The following MYRIP variants were observed in gnomAD, a reference collection of about 807,000 sequenced individuals.
MYRIP encodes rab effector MyRIP.
MYRIP carries 49 observed loss-of-function variants against 98.0 expected under a neutral mutation model. That is an observed-to-expected ratio of 0.50 (90% CI 0.40 to 0.63). The LOEUF (loss-of-function observed/expected upper bound fraction) is 0.63. MYRIP is among the 30% of genes least tolerant of loss of function. The probability of loss-of-function intolerance (pLI) is 0.00; values close to 1 mark genes in which losing one functional copy is unlikely to be tolerated. For synonymous variants in MYRIP, 404 were observed against 409.5 expected (o/e 0.99, Z 0.16); for missense variants, 1,004 against 1,058.2 (o/e 0.95, Z 0.71).
At chr3:39,868,531 A>G (rs1163065307) in intron 1 of MYRIP, among the ~76,000 whole-genome samples, 1 of 152,116 alleles carries the variant, frequency 6.6e-6, no homozygotes, top group Non-Finnish European at 1.5e-5. Context: ...CTTGACATTT[A>G]TTGAGCACCA....
At chr3:40,084,711 T>C (rs1020445717) in intron 3 of MYRIP, among the ~76,000 whole-genome samples, 2 of 148,342 alleles carry the variant, frequency 1.3e-5, no homozygotes, top group African/African-American at 2.5e-5. Context: ...ATAGATAATA[T>C]GTATCTATGT....
chr3:40,250,636 TGG>T, intron 15 of MYRIP, 137 bp downstream of exon 15: 1 of 1,047,450 alleles, frequency 9.5e-7, no homozygotes, highest in East Asian at 2.6e-5. Flanking sequence ...TATCTTGATT[TGG>T]GTCCCCCCAG....
At chr3:39,960,060 G>T (rs1310448600) in intron 2 of MYRIP, among the ~76,000 whole-genome samples, 1 of 152,056 alleles carries the variant, frequency 6.6e-6, no homozygotes, top group Non-Finnish European at 1.5e-5. Flanking sequence ...CTTAAGGAAG[G>T]CCTTTCTCCT....
intron 9 of MYRIP, among the ~76,000 whole-genome samples, chr3:40,184,964 G>A (rs1334199648): frequency 6.6e-6 from 1 of 152,188 alleles, no homozygotes; most frequent in East Asian, 1.9e-4. Context: ...GGAATTTTTA[G>A]CCCTTGACAT....
intron 1 of MYRIP, among the ~76,000 whole-genome samples, chr3:39,900,422 A>G (rs1243229088): frequency 6.6e-6 from 1 of 151,854 alleles, no homozygotes; most frequent in Non-Finnish European, 1.5e-5. Flanking sequence ...TTGCAGTTAC[A>G]TATAATACTT....
At chr3:39,867,079 A>G (rs1184108705) in intron 1 of MYRIP, among the ~76,000 whole-genome samples, 1 of 152,222 alleles carries the variant, frequency 6.6e-6, no homozygotes, top group Non-Finnish European at 1.5e-5. Context: ...CAGTGGGCAA[A>G]GGATAGTTTC....
chr3:39,900,724 C>A, intron 1 of MYRIP, 63 bp from the exon 2 acceptor site: 1 of 879,746 alleles, frequency 1.1e-6, no homozygotes, highest in Non-Finnish European at 1.8e-6. Context: ...ATTTTAATAA[C>A]AAAATAGGTT....
At chr3:40,047,057 G>A (rs1947684775) in intron 3 of MYRIP, among the ~76,000 whole-genome samples, 1 of 152,154 alleles carries the variant, frequency 6.6e-6, no homozygotes, top group African/African-American at 2.4e-5. Flanking sequence ...AGTAGTTGAT[G>A]CACCACCTCA....
chr3:39,919,715 T>TGAGA (rs1478323449), intron 2 of MYRIP, among the ~76,000 whole-genome samples: 11 of 147,882 alleles, frequency 7.4e-5, no homozygotes, highest in Admixed American at 2.7e-4. Context: ...TGTGTGTGTG[T>TGAGA]GTGTGTGTGT....
Position 40,169,979 on chromosome 3 carries a change from G to A in MYRIP, c.759G>A (p.Glu253=). ...TACGAAAACAGAAGAGCAAAAGTGA[G>A]CAGCAAGTGGAAGAAGAGCCAGGAT... ...KIIRKQKSKS[E]QQVEEEPGWP... Residue 253 remains glutamate, a synonymous_variant, in exon 8 of 17, where the codon GAG becomes GAA. Coordinates refer to ENST00000302541, the MANE Select transcript of MYRIP (RefSeq NM_015460.4). 2 of 1,614,222 alleles carry A rather than the reference G, an allele frequency of 1.2e-6. No individual in the cohort carries two copies. Among genetic ancestry groups the A allele is most frequent in the Non-Finnish European group, 1.7e-6 (2 of 1,180,038 alleles).
chr3:39,854,943 G>A (rs1271237906), intron 1 of MYRIP, among the ~76,000 whole-genome samples: 1 of 152,162 alleles, frequency 6.6e-6, no homozygotes, highest in Non-Finnish European at 1.5e-5. Flanking sequence ...GGGCAACCAG[G>A]CTCCAGGCTG....
intron 7 of MYRIP, among the ~76,000 whole-genome samples, chr3:40,168,199 GT>G (rs979571185): frequency 6.6e-5 from 10 of 152,302 alleles, no homozygotes; most frequent in African/African-American, 2.2e-4. Flanking sequence ...AATTGCAAAG[GT>G]TTTTGAAACT....
intron 1 of MYRIP, among the ~76,000 whole-genome samples, chr3:39,860,624 T>G (rs1470737421): frequency 6.6e-6 from 1 of 152,154 alleles, no homozygotes; most frequent in Non-Finnish European, 1.5e-5. Flanking sequence ...GCCCACACTG[T>G]AGCTCCTGTG....
At chr3:39,910,866 T>G (rs1944004565) in intron 2 of MYRIP, among the ~76,000 whole-genome samples, 1 of 152,214 alleles carries the variant, frequency 6.6e-6, no homozygotes, top group Non-Finnish European at 1.5e-5. Context: ...TTGTTTAGGA[T>G]TATTCCTTTT....
At position 40,030,327 on chromosome 3, in the gene MYRIP, A is replaced by T. The variant is rs192254134; in HGVS notation, c.111-13723A>T. Among the ~76,000 whole-genome samples the T allele has an allele frequency of 7.7e-3, 1,165 of 152,228 alleles. 14 individuals carry two copies. Among genetic ancestry groups the T allele is most frequent in the African/African-American group, 0.026 (1,094 of 41,548 alleles). On this transcript the variant is annotated intron_variant, in intron 2 of 16. Transcript: ENST00000302541. ...CCCCCTAAGATGGCTGTAATTTTTT[A>T]AAATGCAGACAATTACAAGTATTGG...
intron 2 of MYRIP, among the ~76,000 whole-genome samples, chr3:40,040,287 T>C (rs1035152776): frequency 1.3e-5 from 2 of 149,184 alleles, no homozygotes; most frequent in African/African-American, 2.5e-5. Context: ...AGATATCATC[T>C]CACACCAGTT....
intron 1 of MYRIP, among the ~76,000 whole-genome samples, chr3:39,848,931 T>C (rs1032490690): frequency 6.6e-6 from 1 of 152,194 alleles, no homozygotes; most frequent in Non-Finnish European, 1.5e-5. Flanking sequence ...AGGAAAAATA[T>C]GCCATAGCAT....
At chr3:40,213,576 T>G (rs1952027179) in intron 11 of MYRIP, among the ~76,000 whole-genome samples, 1 of 151,000 alleles carries the variant, frequency 6.6e-6, no homozygotes, top group Admixed American at 6.7e-5. Flanking sequence ...TTAACTGTGA[T>G]GTCCCCATGA....
At chr3:39,814,018 T>C (rs1188174896) in intron 1 of MYRIP, among the ~76,000 whole-genome samples, 3 of 152,216 alleles carry the variant, frequency 2.0e-5, no homozygotes, top group Non-Finnish European at 4.4e-5. Context: ...GTTTATATAT[T>C]GATAGATAAA....
Sources: allele counts gnomAD v4.1 joint callset (sites outside exome capture counted in the v4.1 genomes callset), GRCh38; gene constraint gnomAD v4.1.1; transcripts MANE v1.5; gene names NCBI Gene and HGNC (gene_info 2026-07-23, HGNC 2026-07-21).